The following FKBP1B variants were observed in gnomAD, a reference collection of about 807,000 sequenced individuals.
FKBP1B encodes FKBP prolyl isomerase 1B, also known as peptidyl-prolyl cis-trans isomerase FKBP1B.
A neutral mutation model predicts 13.5 loss-of-function variants in FKBP1B; 4 were observed. That is an observed-to-expected ratio of 0.30 (90% CI 0.15 to 0.68). The LOEUF is 0.68. Ranked by LOEUF, FKBP1B falls within the 30% of genes least tolerant of loss-of-function variation. FKBP1B has a pLI of 0.76. For synonymous variants in FKBP1B, 54 were observed against 53.6 expected (o/e 1.01, Z -0.03); for missense variants, 93 against 136.2 (o/e 0.68, Z 1.58).
At chr2:24,039,240 GA>G in the FKBP1B span, 3 of 1,614,264 alleles carry the variant, frequency 1.9e-6, no homozygotes, top group Non-Finnish European at 2.5e-6. Flanking sequence ...GCCACACAGT[GA>G]CATGCTTCTC....
At position 24,060,837 on chromosome 2, in the gene FKBP1B, T is replaced by A. The variant is rs1198484129; in HGVS notation, c.109T>A (p.Phe37Ile). Residue 37 changes from phenylalanine (F) to isoleucine (I), a missense_variant, in exon 3 of 4, where the codon TTT becomes ATT. Phe to Ile is a conservative substitution (Grantham distance 21). Transcript: ENST00000380986. ...YTGMLQNGKK[F>I]DSSRDRNKPF... ...AGGAATGCTCCAAAATGGGAAGAAG[T>A]TTGATTCATCCAGAGACAGAAACAA... 1 of 1,613,946 alleles carries A rather than the reference T, an allele frequency of 6.2e-7. No individual in the cohort carries two copies. The highest frequency in any genetic ancestry group is 1.3e-5 in the African/African-American group (1 of 74,920).
the FKBP1B span, among the ~76,000 whole-genome samples, chr2:24,042,702 T>A: frequency 1.4e-5 from 2 of 143,036 alleles, no homozygotes; most frequent in Admixed American, 1.4e-4. Flanking sequence ...AGAGTGAAAC[T>A]CTGTCTCAAA....
intron 2 of FKBP1B, among the ~76,000 whole-genome samples, chr2:24,059,047 CA>C (rs1664259995): frequency 6.6e-6 from 1 of 152,178 alleles, no homozygotes; most frequent in South Asian, 2.1e-4. Flanking sequence ...TTAAATATGA[CA>C]CATCTGAGGC....
At chr2:24,047,867 T>C (rs1386724017), upstream of FKBP1B, among the ~76,000 whole-genome samples, 1 of 152,238 alleles carries the variant, frequency 6.6e-6, no homozygotes, top group Admixed American at 6.5e-5. Context: ...GTGCCTGCTC[T>C]GGCCGCAGCC....
intron 2 of FKBP1B, among the ~76,000 whole-genome samples, chr2:24,054,902 C>T (rs1172620442): frequency 6.6e-6 from 1 of 152,176 alleles, no homozygotes; most frequent in African/African-American, 2.4e-5. Flanking sequence ...TTGCAAAGTC[C>T]TTTCACAATA....
the FKBP1B span, among the ~76,000 whole-genome samples, chr2:24,034,717 G>T: frequency 6.6e-6 from 1 of 151,942 alleles, no homozygotes; most frequent in Admixed American, 6.6e-5. Context: ...GGGAAAACAG[G>T]TGGGTGCCAT....
the FKBP1B span, among the ~76,000 whole-genome samples, chr2:24,034,919 A>G: frequency 4.6e-5 from 7 of 152,118 alleles, no homozygotes; most frequent in Non-Finnish European, 8.8e-5. Flanking sequence ...ATAAAATTTT[A>G]CATTTATAAG....
the FKBP1B span, among the ~76,000 whole-genome samples, chr2:24,043,888 TA>T: frequency 6.2e-4 from 91 of 147,142 alleles, no homozygotes; most frequent in South Asian, 8.6e-4. Context: ...ATCTTTCACT[TA>T]AAAAAAAAAA....
At chr2:24,034,390 G>A in the FKBP1B span, among the ~76,000 whole-genome samples, 1,208 of 152,098 alleles carry the variant, frequency 7.9e-3, 9 homozygotes, top group South Asian at 0.033. Flanking sequence ...ACTGCACTCC[G>A]GCCTGGGTGA....
At chr2:24,044,817 T>TAAAA (rs747340836), upstream of FKBP1B, among the ~76,000 whole-genome samples, 5 of 103,912 alleles carry the variant, frequency 4.8e-5, no homozygotes, top group Admixed American at 1.1e-4. Flanking sequence ...GAATTATCTT[T>TAAAA]AAAAAAAAAA....
chr2:24,035,694 T>TATC, the FKBP1B span, among the ~76,000 whole-genome samples: 2 of 151,440 alleles, frequency 1.3e-5, no homozygotes, highest in African/African-American at 2.4e-5. Flanking sequence ...GCAGGAGGAC[T>TATC]GCTTGAGCCC....
chr2:24,038,065 C>G, the FKBP1B span: 9 of 1,614,062 alleles, frequency 5.6e-6, 1 homozygote, highest in African/African-American at 1.2e-4. Context: ...CAGCAACAGC[C>G]CTTTGTTTTG....
chr2:24,049,840 TG>T lies in FKBP1B; in HGVS notation c.-7del. 2 of 1,405,502 alleles carry T rather than the reference TG, an allele frequency of 1.4e-6. No homozygotes were observed. Among genetic ancestry groups the T allele is most frequent in the Non-Finnish European group, 9.3e-7 (1 of 1,077,172 alleles). 87.1% of individuals were successfully genotyped at this position (1,405,502 alleles called of 1,614,324 possible). A position where few individuals can be genotyped will look rare whatever the true frequency, so the allele number is the denominator to read the frequency against. On this transcript the variant is annotated 5_prime_UTR_variant, in exon 1 of 4. Transcript: ENST00000380986. ...AGGGACCCCCCAGAGGCGGGGCCTG[TG>T]GGACCGCTATGGGCGTGGAGATCGA...
intron 3 of FKBP1B, 35 bp from the exon 4 acceptor site, chr2:24,063,029 T>G: frequency 6.2e-7 from 1 of 1,614,206 alleles, no homozygotes; most frequent in Non-Finnish European, 8.5e-7. Flanking sequence ...CTGGGTCCTC[T>G]TTCTCCTCTC....
chr2:24,034,803 G>A, the FKBP1B span, among the ~76,000 whole-genome samples: 7,373 of 151,994 alleles, frequency 0.049, 238 homozygotes, highest in Middle Eastern at 0.078. Flanking sequence ...TCGAACTCCT[G>A]GACTCAAGTG....
chr2:24,049,591 G>A (rs568808644), upstream of FKBP1B: 23 of 356,224 alleles, frequency 6.5e-5, no homozygotes, highest in South Asian at 3.2e-3. Flanking sequence ...CGTCAGGCGG[G>A]GCCAGGCTCG....
the FKBP1B span, among the ~76,000 whole-genome samples, chr2:24,044,662 T>G: frequency 6.6e-6 from 1 of 152,052 alleles, no homozygotes; most frequent in Non-Finnish European, 1.5e-5. Flanking sequence ...CAGTGATAAT[T>G]ACAAAAATCT....
intron 2 of FKBP1B, among the ~76,000 whole-genome samples, chr2:24,056,491 G>A (rs918486390): frequency 3.3e-5 from 5 of 151,668 alleles, no homozygotes; most frequent in Admixed American, 6.6e-5. Context: ...TTACAGGTGC[G>A]CACCACCACA....
At chr2:24,034,325 G>T in the FKBP1B span, among the ~76,000 whole-genome samples, 2 of 152,092 alleles carry the variant, frequency 1.3e-5, no homozygotes, top group African/African-American at 4.8e-5. Flanking sequence ...GGTGGCTGAG[G>T]CAGAGAATCG....
Sources: gnomAD v4.1 joint callset for allele counts (sites outside exome capture counted in the v4.1 genomes callset) on GRCh38, gnomAD v4.1.1 for gene constraint, MANE v1.5 for transcripts, NCBI Gene and HGNC (gene_info 2026-07-23, HGNC 2026-07-21) for gene names.